SEMA5A: variants seen among roughly 807,000 people sequenced by gnomAD.
SEMA5A encodes semaphorin 5A, also known as semaphorin-5A.
Under a neutral mutation model 135.5 loss-of-function variants are expected in SEMA5A, and 55 were observed. The ratio of observed to expected loss-of-function variants is 0.41; its 90% confidence interval spans 0.33 to 0.51. SEMA5A has a LOEUF of 0.51. Among genes scored for constraint, SEMA5A ranks in the 20% least tolerant of loss-of-function variants. SEMA5A has a pLI of 0.37. For synonymous variants in SEMA5A, 580 were observed against 546.5 expected, an observed-to-expected ratio of 1.06 and a Z score of -0.85; for missense variants, 1,290 against 1,419.9, an observed-to-expected ratio of 0.91 and a Z score of 1.47.
chr5:9,057,925 T>C (rs1404903054), intron 18 of SEMA5A, among the ~76,000 whole-genome samples: 2 of 152,338 alleles, frequency 1.3e-5, no homozygotes, highest in African/African-American at 4.8e-5. Flanking sequence ...CAATTCATAT[T>C]AGAAAGGCCA....
intron 5 of SEMA5A, among the ~76,000 whole-genome samples, chr5:9,240,560 TA>T (rs77717767): frequency 5.8e-4 from 85 of 147,294 alleles, no homozygotes; most frequent in East Asian, 9.9e-4. Flanking sequence ...GACATGAAAT[TA>T]AAAAAAAAAA....
chr5:9,134,191 G>A (rs1049949506), intron 13 of SEMA5A, among the ~76,000 whole-genome samples: 1 of 152,136 alleles, frequency 6.6e-6, no homozygotes, highest in African/African-American at 2.4e-5. Flanking sequence ...TGTGAAAGCA[G>A]ACTAATACAA....
intron 5 of SEMA5A, among the ~76,000 whole-genome samples, chr5:9,242,785 T>G (rs1056104691): frequency 4.6e-5 from 7 of 152,166 alleles, no homozygotes; most frequent in African/African-American, 7.2e-5. Context: ...TTTTTTTAAA[T>G]GATCAATTTC....
intron 4 of SEMA5A, among the ~76,000 whole-genome samples, chr5:9,325,122 A>G (rs1310177676): frequency 2.0e-5 from 3 of 152,160 alleles, no homozygotes; most frequent in South Asian, 2.1e-4. Context: ...CTATACTTCT[A>G]TTTTTCTCCT....
chr5:9,491,049 G>A (rs1181671926), intron 1 of SEMA5A, among the ~76,000 whole-genome samples: 1 of 152,098 alleles, frequency 6.6e-6, no homozygotes, highest in East Asian at 1.9e-4. Context: ...TGGAAGCCAG[G>A]AGTCTCCACC....
At chr5:9,156,687 G>C (rs1019065938) in intron 11 of SEMA5A, among the ~76,000 whole-genome samples, 1 of 152,174 alleles carries the variant, frequency 6.6e-6, no homozygotes, top group African/African-American at 2.4e-5. Flanking sequence ...GCTGTGACCA[G>C]CGTCACACTA....
intron 1 of SEMA5A, among the ~76,000 whole-genome samples, chr5:9,438,893 T>G (rs1157352711): frequency 6.6e-6 from 1 of 152,164 alleles, no homozygotes; most frequent in African/African-American, 2.4e-5. Context: ...AGCTGGAAAT[T>G]TATAAAATGT....
chr5:9,508,399 T>C (rs547417570), intron 1 of SEMA5A, among the ~76,000 whole-genome samples: 33 of 152,326 alleles, frequency 2.2e-4, no homozygotes, highest in Non-Finnish European at 4.4e-4. Context: ...ATGTCGCCAC[T>C]GTAGTGGTCT....
chr5:9,477,370 G>C (rs1393002142), intron 1 of SEMA5A, among the ~76,000 whole-genome samples: 4 of 152,192 alleles, frequency 2.6e-5, no homozygotes, highest in African/African-American at 9.7e-5. Context: ...AGCAACCTTT[G>C]AACTGCGTAA....
Position 9,446,816 on chromosome 5 carries a change from CT to C in SEMA5A, c.-174-8965del, listed in dbSNP as rs534502714. Among the ~76,000 whole-genome samples, 113 of 152,248 alleles carry C rather than the reference CT, an allele frequency of 7.4e-4. 2 individuals are homozygous for C. Among genetic ancestry groups the C allele is most frequent in the African/African-American group, 2.5e-3 (105 of 41,558 alleles). Reference sequence around the variant, plus strand: ...TTTAACTCTTTAAAAAATTATTTGACTACTCTTGTTACTTAACTATCTCTGT... The same window carrying C: ...TTTAACTCTTTAAAAAATTATTTGACACTCTTGTTACTTAACTATCTCTGT... On this transcript the variant is annotated intron_variant, in intron 1 of 22. Transcript: ENST00000382496.
intron 3 of SEMA5A, among the ~76,000 whole-genome samples, chr5:9,346,912 G>GTATATATATATATATATA (rs774727307): frequency 6.7e-6 from 1 of 149,974 alleles, no homozygotes; most frequent in African/African-American, 2.5e-5. Flanking sequence ...GTGTGTGTGT[G>GTATATATATATATATATA]TGTATATATA....
At chr5:9,458,339 C>A (rs145010864) in intron 1 of SEMA5A, among the ~76,000 whole-genome samples, 85 of 152,348 alleles carry the variant, frequency 5.6e-4, no homozygotes, top group South Asian at 4.6e-3. Flanking sequence ...ATCATCAAGT[C>A]TGCTACCTCC....
intron 5 of SEMA5A, among the ~76,000 whole-genome samples, chr5:9,265,265 C>T (rs76831240): frequency 9.9e-5 from 15 of 152,128 alleles, no homozygotes; most frequent in African/African-American, 3.6e-4. Context: ...ATATTCCCCT[C>T]CTGAGGCTCC....
At position 9,119,095 on chromosome 5, in the gene SEMA5A, T is replaced by C; in HGVS notation, c.1828A>G (p.Thr610Ala). 3 of 1,613,784 alleles carry C rather than the reference T, an allele frequency of 1.9e-6. No homozygotes were observed. The highest frequency in any genetic ancestry group is 2.5e-6 in the Non-Finnish European group (3 of 1,179,950). Reference protein sequence around the residue: ...PWTSWSPCSTTCGIGFQVRQR... With the variant: ...PWTSWSPCSTACGIGFQVRQR... ...CGCACCTGGAAGCCGATCCCACAGG[T>C]AGTGCTGCAGGGAGACCACGAGGTC... The change falls in exon 15 of 23, where the codon ACC (threonine) becomes GCC (alanine). Residue 610 changes from threonine (T) to alanine (A), a missense_variant. Around this residue, in one of 3 missense-constraint regions of SEMA5A, gnomAD observed 1,029 missense variants for 1,086.6 expected, o/e 0.95. Coordinates refer to ENST00000382496, the MANE Select transcript of SEMA5A (RefSeq NM_003966.3).
intron 19 of SEMA5A, among the ~76,000 whole-genome samples, chr5:9,052,648 A>C (rs1736652709): frequency 6.6e-6 from 1 of 152,108 alleles, no homozygotes; most frequent in African/African-American, 2.4e-5. Flanking sequence ...CTGTCTCTGA[A>C]GAGATAAGGT....
intron 3 of SEMA5A, 102 bp downstream of exon 3, chr5:9,379,721 C>A: frequency 7.3e-7 from 1 of 1,363,914 alleles, no homozygotes; most frequent in South Asian, 1.5e-5. Flanking sequence ...ACAAGAGCCA[C>A]TGGATTATAC....
chr5:9,252,943 C>T lies in SEMA5A; in HGVS notation c.271-15053G>A, dbSNP rs535858839. Among the ~76,000 whole-genome samples the T allele has an allele frequency of 5.3e-5, 8 of 152,266 alleles. No homozygotes were observed. In the South Asian group the frequency reaches 8.3e-4, roughly 16 times the overall value. ...TCCCTGCTTTCTGACCTGCTCCCTA[C>T]CAGAACACAGCTCTTCCTCATCCCC... On this transcript the variant is annotated intron_variant, in intron 5 of 22. Transcript: ENST00000382496.
chr5:9,428,820 C>T (rs891855108), intron 2 of SEMA5A, among the ~76,000 whole-genome samples: 7 of 152,184 alleles, frequency 4.6e-5, no homozygotes, highest in Non-Finnish European at 7.3e-5. Context: ...TTTAATCACA[C>T]TCTTAAGGAC....
chr5:9,539,541 A>T (rs1487199985), intron 1 of SEMA5A, among the ~76,000 whole-genome samples: 3 of 152,152 alleles, frequency 2.0e-5, no homozygotes, highest in African/African-American at 7.2e-5. Context: ...CTTGGAGGAG[A>T]GGGTGCTGTT....
Sources: gnomAD v4.1 joint callset for allele counts (sites outside exome capture counted in the v4.1 genomes callset) on GRCh38, gnomAD v4.1.1 for gene constraint, gnomAD v4.1.1 regional missense constraint, MANE v1.5 for transcripts, NCBI Gene and HGNC (gene_info 2026-07-23, HGNC 2026-07-21) for gene names.